RIPK4: variants seen among roughly 807,000 people sequenced by gnomAD.
RIPK4 encodes the protein receptor interacting serine/threonine kinase 4.
In RIPK4, 17 loss-of-function variants were observed where a neutral mutation model predicts 42.9. The ratio of observed to expected loss-of-function variants is 0.40; its 90% CI spans 0.27 to 0.59. The LOEUF (loss-of-function observed/expected upper bound fraction) is 0.59, where lower values mean the gene tolerates loss of function less well. Among genes scored for constraint, RIPK4 ranks in the 20% least tolerant of loss-of-function variants. The pLI is 0.47. For missense variants in RIPK4, 897 were observed against 1,104.4 expected, an observed-to-expected ratio of 0.81 and a Z score of 2.66; for synonymous variants, 498 against 499.1, an observed-to-expected ratio of 1.00 and a Z score of 0.03.
At chr21:41,752,076 G>A (rs77393130) in intron 2 of RIPK4, among the ~76,000 whole-genome samples, 2,155 of 152,160 alleles carry the variant, frequency 0.014, 47 homozygotes, top group African/African-American at 0.048. Context: ...CCCCTTTCCT[G>A]CCAGTGTCCT....
chr21:41,742,671 G>C lies in RIPK4; in HGVS notation c.1196-674C>G, dbSNP rs34220201. On this transcript the variant is annotated intron_variant, in intron 7 of 7. Transcript: ENST00000332512. The surrounding 1 kb of genome is among the most constrained non-coding windows in gnomAD (Gnocchi z 5.1). ...ACTCTCCTCCGCCCTCATGTGAAAC[G>C]CGTGGGGACTTGGAAGTCGGCGGTG... Among the ~76,000 whole-genome samples, 9 of 152,158 alleles carry C rather than the reference G, an allele frequency of 5.9e-5. No individual in the cohort carries two copies. The highest frequency in any genetic ancestry group is 2.2e-4 in the African/African-American group (9 of 41,420).
intron 2 of RIPK4, among the ~76,000 whole-genome samples, chr21:41,754,561 T>A (rs1460733851): frequency 6.6e-6 from 1 of 152,150 alleles, no homozygotes; most frequent in East Asian, 1.9e-4. Context: ...CCTGCAGCTG[T>A]CCTGAAAGAC....
In RIPK4 at chr21:41,740,887, T is replaced by C; in HGVS notation, c.2306A>G (p.Gln769Arg). The C allele has an allele frequency of 1.9e-6, 3 of 1,611,816 alleles. No individual in the cohort carries two copies. The highest frequency in any genetic ancestry group is 1.7e-5 in the Admixed American group (1 of 59,970). ...CGTGGCGGCGGGGCCATGGCCGCCC[T>C]GGAACTTGAGGCTCTGCAGGTTGAT... ...AHINLQSLKF[Q>R]GGHGPAATLL... The change falls in exon 8 of 8, where the codon CAG becomes CGG. Residue 769 changes from glutamine (Q) to arginine (R), a missense_variant. Gln to Arg is a conservative substitution (Grantham distance 43). Transcript: ENST00000332512.
At chr21:41,763,832 G>A (rs1448239400) in intron 1 of RIPK4, among the ~76,000 whole-genome samples, 4 of 152,216 alleles carry the variant, frequency 2.6e-5, no homozygotes, top group Non-Finnish European at 5.9e-5. Context: ...CCCAGCCGGC[G>A]CCCCGCAGGC....
Position 41,744,038 on chromosome 21 carries a change from C to T in RIPK4, c.1039G>A (p.Val347Ile), listed in dbSNP as rs150480670. ...SQLDSGVSQA[V>I]EGPEELSRSS... ...CGGCTGAGCTCCTCGGGGCCCTCGA[C>T]AGCCTGGGAAACTCCAGAGTCCAGC... Residue 347 changes from valine (V) to isoleucine (I), a missense_variant, in exon 7 of 8, where the codon GTC becomes ATC. By Grantham distance (29) the Val-to-Ile change is conservative. Transcript: ENST00000332512. 1.3e-4 allele frequency: 209 copies of T among 1,613,022 alleles called. 1 individual carries two copies. The highest frequency in any genetic ancestry group is 3.0e-4 in the Admixed American group (18 of 59,980).
In RIPK4 at chr21:41,740,949, T is replaced by C. The variant is rs1378758034; in HGVS notation, c.2244A>G (p.Ala748=). The change falls in exon 8 of 8, where the codon GCA becomes GCG. Residue 748 remains alanine, a synonymous_variant. Transcript: ENST00000332512. ...GCCTGAGCAGAGTCTCCACCGTCTG[T>C]GCGTGCCGGCCCTGGGCGGCCAGGT... is the stretch of plus-strand genomic sequence containing the variant. ...ALHLAAQGRH[A]QTVETLLRHG... 1.2e-6 allele frequency: 2 copies of C among 1,612,516 alleles called. No homozygotes were observed. Among genetic ancestry groups the C allele is most frequent in the Admixed American group, 1.7e-5 (1 of 60,014 alleles).
chr21:41,746,465 GT>G, intron 5 of RIPK4, 147 bp downstream of exon 5: 1 of 980,710 alleles, frequency 1.0e-6, no homozygotes. Flanking sequence ...CAGGTGCTGG[GT>G]CCAACCTATC....
rs141403329 is a variant in RIPK4 at position 41,763,524 on chromosome 21, G to C, written c.182+3336C>G. 6.6e-5 allele frequency among the ~76,000 whole-genome samples: 10 copies of C among 152,276 alleles called. No individual in the cohort carries two copies. The East Asian group carries it at 1.9e-3, about 29-fold the overall frequency. On this transcript the variant is annotated intron_variant, in intron 1 of 7. Coordinates refer to ENST00000332512, the MANE Select transcript of RIPK4 (RefSeq NM_020639.3). ...AGGGAAAAGTGAGAAGCAGGGAGGT[G>C]GGGGAGACGGTGAGACCGCTCAGGT...
At chr21:41,765,756 A>G (rs141524861) in intron 1 of RIPK4, among the ~76,000 whole-genome samples, 84 of 152,376 alleles carry the variant, frequency 5.5e-4, no homozygotes, top group African/African-American at 1.9e-3. Context: ...AGGAATCTCT[A>G]GGTAAAATAC....
chr21:41,745,906 T>G, intron 5 of RIPK4, 44 bp from the exon 6 acceptor site: 1 of 1,448,244 alleles, frequency 6.9e-7, no homozygotes, highest in Non-Finnish European at 9.7e-7. Context: ...TGATGACTTC[T>G]GCGTACACAC....
At chr21:41,766,485 G>C (rs1175490506) in intron 1 of RIPK4, among the ~76,000 whole-genome samples, 4 of 152,178 alleles carry the variant, frequency 2.6e-5, no homozygotes, top group Non-Finnish European at 5.9e-5. Context: ...GCGCGGGTCC[G>C]AGGCGCAAGG....
rs1273952163 is a variant in RIPK4 at position 41,742,042 on chromosome 21, C to T, written c.1196-45G>A. 2.0e-6 allele frequency: 3 copies of T among 1,504,550 alleles called. No homozygotes were observed. The highest frequency in any genetic ancestry group is 2.7e-6 in the Non-Finnish European group (3 of 1,117,556). The allele number at this position is 1,504,550 out of a possible 1,614,324, so 93.2% of individuals were successfully genotyped here. ...AAAGGTCAGAGCGTGGCTGCACATC[C>T]AGGGACGTGGCGTCTCTGGGAGCCT... On this transcript the variant is annotated intron_variant, in intron 7 of 7. Coordinates refer to ENST00000332512, the MANE Select transcript of RIPK4 (RefSeq NM_020639.3). This position sits in a 1 kb window ranked among gnomAD's most constrained non-coding sequence, Gnocchi z 5.1.
At position 41,741,611 on chromosome 21, in the gene RIPK4, C is replaced by T. The variant is rs757952297; in HGVS notation, c.1582G>A (p.Ala528Thr). 5.0e-6 allele frequency: 8 copies of T among 1,612,708 alleles called. No individual in the cohort carries two copies. Among genetic ancestry groups the T allele is most frequent in the South Asian group, 2.2e-5 (2 of 91,092 alleles). ...TCAAAGTCCACCTCGTTGACCGAGG[C>T]GTTCTTCTCCAACAGCAGCCGTGTG... ...SSTRLLLEKN[A>T]SVNEVDFEGR... The change falls in exon 8 of 8, where the codon GCC becomes ACC. Residue 528 changes from alanine (A) to threonine (T), a missense_variant. Physicochemically the swap from Ala to Thr is moderately conservative, Grantham distance 58. Coordinates refer to ENST00000332512, the MANE Select transcript of RIPK4 (RefSeq NM_020639.3).
Position 41,742,579 on chromosome 21 carries a change from G to A in RIPK4, c.1196-582C>T, listed in dbSNP as rs958916484. On this transcript the variant is annotated intron_variant, in intron 7 of 7. Coordinates refer to ENST00000332512, the MANE Select transcript of RIPK4 (RefSeq NM_020639.3). The surrounding 1 kb of genome is among the most constrained non-coding windows in gnomAD (Gnocchi z 5.1). ...AGGAGGACGTTAGTCCAGCACTCAG[G>A]ATGAAAAGTTGTATTTACCACAAAA... Among the ~76,000 whole-genome samples, 6 of 152,186 alleles carry A rather than the reference G, an allele frequency of 3.9e-5. No homozygotes were observed. Among genetic ancestry groups the A allele is most frequent in the African/African-American group, 1.2e-4 (5 of 41,422 alleles).
At chr21:41,746,011 A>G (rs1182454269) in intron 5 of RIPK4, 149 bp from the exon 6 acceptor site, 5 of 762,638 alleles carry the variant, frequency 6.6e-6, no homozygotes, top group East Asian at 2.5e-5. Flanking sequence ...GGGGCCCTAC[A>G]TGGACAATTT....
intron 5 of RIPK4, 52 bp from the exon 6 acceptor site, chr21:41,745,914 C>A: frequency 7.2e-7 from 1 of 1,384,098 alleles, no homozygotes; most frequent in Non-Finnish European, 1.0e-6. Flanking sequence ...TCTGCGTACA[C>A]ACGCGTTCCA....
At chr21:41,743,276 C>A (rs144724459) in intron 7 of RIPK4, among the ~76,000 whole-genome samples, 4 of 152,326 alleles carry the variant, frequency 2.6e-5, no homozygotes, top group African/African-American at 9.6e-5. Context: ...AGGTCCAGCA[C>A]CCTGGGGCAG....
rs543069429 is a variant in RIPK4 at position 41,741,243 on chromosome 21, C to T, written c.1950G>A (p.Thr650=). 8.7e-6 allele frequency: 14 copies of T among 1,609,026 alleles called. No individual in the cohort carries two copies. The East Asian group carries it at 1.1e-4, about 13-fold the overall frequency. The change falls in exon 8 of 8, where the codon ACG becomes ACA. Residue 650 remains threonine, a synonymous_variant. Transcript: ENST00000332512. The stretch of plus-strand genomic sequence containing the variant: ...GATGCAGGAGCAGCCTGGCAGTGCT[C>T]GTGTGCCCCGTCTCCGCGGCCACGT... ...PLHVAAETGH[T]STARLLLHRG...
At chr21:41,761,257 G>T (rs1480936149) in intron 1 of RIPK4, among the ~76,000 whole-genome samples, 1 of 152,220 alleles carries the variant, frequency 6.6e-6, no homozygotes, top group Non-Finnish European at 1.5e-5. Flanking sequence ...TCAGCTCCCA[G>T]CCTTTCTCCT....
Sources: gnomAD v4.1 joint callset for allele counts (sites outside exome capture counted in the v4.1 genomes callset) on GRCh38, gnomAD v4.1.1 for gene constraint, Gnocchi (gnomAD v3.1) non-coding constraint, MANE v1.5 for transcripts, NCBI Gene and HGNC (gene_info 2026-07-23, HGNC 2026-07-21) for gene names.